The following PMS2 variants were observed in gnomAD, a reference collection of about 807,000 sequenced individuals.
PMS2 encodes PMS1 homolog 2, mismatch repair system component.
Under a neutral mutation model 90.0 loss-of-function variants are expected in PMS2, and 69 were observed. The observed-to-expected ratio is 0.77, with a 90% CI of 0.63 to 0.94. PMS2 has a LOEUF of 0.94. PMS2 is among the 40% of genes least tolerant of loss of function. The probability of loss-of-function intolerance (pLI) is 0.00; values close to 1 mark genes in which losing one functional copy is unlikely to be tolerated. For synonymous variants in PMS2, 332 were observed against 375.1 expected (o/e 0.89, Z 1.33); for missense variants, 966 against 1,040.2 (o/e 0.93, Z 0.98).
chr7:6,002,595 C>G lies in PMS2; in HGVS notation c.395G>C (p.Gly132Ala), dbSNP rs1583403941. 1 of 1,611,942 alleles carries G rather than the reference C, an allele frequency of 6.2e-7. No homozygotes were observed. Residue 132 changes from glycine (G) to alanine (A), a missense_variant, in exon 5 of 15, where the codon GGA becomes GCA. Gly to Ala is a moderately conservative substitution (Grantham distance 60, BLOSUM62 0). Coordinates refer to ENST00000265849, the MANE Select transcript of PMS2 (RefSeq NM_000535.7). ...ISTCHASAKV[G>A]TRLMFDHNGK... ...ATTGTGATCAAACATCAGTCGAGTT[C>G]CAACCTTCGCCGATGCGTGGCAGGT...
At chr7:5,989,702 A>T in intron 10 of PMS2, 98 bp downstream of exon 10, 3 of 869,602 alleles carry the variant, frequency 3.4e-6, no homozygotes, top group Non-Finnish European at 5.6e-6. Flanking sequence ...AATATAAGAG[A>T]CTTTGTTTTC....
At chr7:5,979,158 C>T (rs1381679102) in intron 12 of PMS2, among the ~76,000 whole-genome samples, 6 of 139,330 alleles carry the variant, frequency 4.3e-5, no homozygotes, top group African/African-American at 8.2e-5. Flanking sequence ...GCCAAGATCA[C>T]GCCACTGTAC....
rs869312801 is a variant in PMS2 at position 5,987,062 on chromosome 7, G to A, written c.1703C>T (p.Pro568Leu). ...TGTGTTTGGGGTTGCGAGATTAGTT[G>A]GCTGAGGCAAAACTCGAAATTTACA... Reference protein sequence around the residue: ...TGCKFRVLPQPTNLATPNTKR... With the variant: ...TGCKFRVLPQLTNLATPNTKR... The change falls in exon 11 of 15, where the codon CCA (proline) becomes CTA (leucine). Residue 568 changes from proline to leucine, a missense_variant. Physicochemically the swap from Pro to Leu is moderately conservative, Grantham distance 98. This residue lies in a region of PMS2 where 871 missense variants were observed against 802.4 expected (regional missense o/e 1.09). Coordinates refer to ENST00000265849, the MANE Select transcript of PMS2 (RefSeq NM_000535.7). The A allele has an allele frequency of 1.2e-6, 2 of 1,614,136 alleles. No homozygotes were observed. Among genetic ancestry groups the A allele is most frequent in the South Asian group, 1.1e-5 (1 of 91,078 alleles).
intron 12 of PMS2, among the ~76,000 whole-genome samples, chr7:5,981,901 T>G (rs1782316162): frequency 6.6e-6 from 1 of 151,786 alleles, no homozygotes; most frequent in Non-Finnish European, 1.5e-5. Flanking sequence ...GCCTGGCAGA[T>G]TCTAGGCACT....
chr7:6,001,519 T>A (rs1177661627), intron 5 of PMS2, among the ~76,000 whole-genome samples: 1 of 151,862 alleles, frequency 6.6e-6, no homozygotes, highest in Non-Finnish European at 1.5e-5. Flanking sequence ...TACAGGCACA[T>A]GCCACCATGC....
chr7:5,996,474 G>A (rs996596222), intron 7 of PMS2, among the ~76,000 whole-genome samples: 1 of 151,434 alleles, frequency 6.6e-6, no homozygotes, highest in Non-Finnish European at 1.5e-5. Context: ...AGTATCGCTT[G>A]AACCTGGGAG....
Position 5,982,298 on chromosome 7 carries a change from C to T in PMS2, c.2174+526G>A, listed in dbSNP as rs1357859646. ...TCGGCTCGCTGCAAACTCCGCCTCC[C>T]GGGTTCAAGCGATTCTCCTGCCTCA... On this transcript the variant is annotated intron_variant, in intron 12 of 14. Transcript: ENST00000265849. Among the ~76,000 whole-genome samples the T allele has an allele frequency of 9.9e-5, 15 of 152,130 alleles. 1 individual carries two copies. The highest frequency in any genetic ancestry group is 1.6e-4 in the Non-Finnish European group (11 of 68,010).
intron 6 of PMS2, 34 bp downstream of exon 6, chr7:5,999,074 A>T (rs2128798529): frequency 6.3e-7 from 1 of 1,593,628 alleles, no homozygotes; most frequent in Non-Finnish European, 8.6e-7. Context: ...TCACTAGAGC[A>T]ATAAGAGGCG....
At chr7:5,993,585 G>A (rs1020829170) in intron 8 of PMS2, among the ~76,000 whole-genome samples, 49 of 151,344 alleles carry the variant, frequency 3.2e-4, no homozygotes, top group African/African-American at 1.1e-3. Flanking sequence ...ACCATGGGCC[G>A]GGCGCGGTGG....
intron 8 of PMS2, among the ~76,000 whole-genome samples, chr7:5,992,671 A>C (rs2128759807): frequency 6.6e-6 from 1 of 152,300 alleles, no homozygotes; most frequent in South Asian, 2.1e-4. Context: ...ACATGGAATA[A>C]ACTACACATA....
At position 6,003,797 on chromosome 7, in the gene PMS2, A is replaced by C. The variant is rs2128827794; in HGVS notation, c.251-5T>G. ...TAGATGTGTGATGTTTCAGAGCTGA[A>C]AGAGAGTGTAAAGTAAGGACTAAGA... On this transcript the variant is annotated splice_region_variant and splice_polypyrimidine_tract_variant and intron_variant, in intron 3 of 14. Transcript: ENST00000265849. The C allele has an allele frequency of 6.3e-7, 1 of 1,578,744 alleles. No individual in the cohort carries two copies.
At chr7:5,984,301 C>T (rs1782626504) in intron 11 of PMS2, among the ~76,000 whole-genome samples, 1 of 151,836 alleles carries the variant, frequency 6.6e-6, no homozygotes, top group Non-Finnish European at 1.5e-5. Context: ...CATCTAATGT[C>T]ATTAAATACT....
At position 5,982,855 on chromosome 7, in the gene PMS2, G is replaced by A. The variant is rs747494931; in HGVS notation, c.2143C>T (p.His715Tyr). 8 of 1,608,516 alleles carry A rather than the reference G, an allele frequency of 5.0e-6. No homozygotes were observed. The highest frequency in any genetic ancestry group is 5.9e-6 in the Non-Finnish European group (7 of 1,177,862). The change falls in exon 12 of 15, where the codon CAC becomes TAC. Residue 715 changes from histidine to tyrosine, a missense_variant. His to Tyr is a moderately conservative substitution (Grantham distance 83). Around this residue, in one of 2 missense-constraint regions of PMS2, gnomAD observed 95 missense variants for 237.8 expected, o/e 0.40. Transcript: ENST00000265849. ...AGCCTCTGCCCCTGGAGCACGGTGT[G>A]CTGCTGCAGCATCTCGAAGTTATAC... ...EKYNFEMLQQ[H>Y]TVLQGQRLIA...
At chr7:5,991,012 C>G (rs1310356842) in intron 9 of PMS2, among the ~76,000 whole-genome samples, 1 of 151,706 alleles carries the variant, frequency 6.6e-6, no homozygotes, top group African/African-American at 2.4e-5. Context: ...AAGACTCTGT[C>G]TCAAAAAATA....
At chr7:5,999,565 A>T (rs147891177) in intron 5 of PMS2, among the ~76,000 whole-genome samples, 3 of 152,186 alleles carry the variant, frequency 2.0e-5, no homozygotes, top group African/African-American at 7.2e-5. Context: ...TGAGGGCAGG[A>T]GGATCACTTG....
intron 7 of PMS2, among the ~76,000 whole-genome samples, chr7:5,995,871 T>C (rs1160280847): frequency 6.6e-6 from 1 of 152,180 alleles, no homozygotes; most frequent in African/African-American, 2.4e-5. Context: ...GGTGATGCAG[T>C]GCGTCCAAAA....
intron 5 of PMS2, among the ~76,000 whole-genome samples, chr7:6,000,946 G>A (rs1396145382): frequency 2.6e-5 from 4 of 152,074 alleles, no homozygotes; most frequent in East Asian, 3.8e-4. Context: ...AGCCGAGATC[G>A]CACCACTGCA....
At chr7:5,989,702 A>C in intron 10 of PMS2, 98 bp downstream of exon 10, 1 of 869,602 alleles carries the variant, frequency 1.1e-6, no homozygotes, top group Non-Finnish European at 1.9e-6. Flanking sequence ...AATATAAGAG[A>C]CTTTGTTTTC....
intron 14 of PMS2, among the ~76,000 whole-genome samples, chr7:5,977,335 T>A (rs1187187082): frequency 3.4e-5 from 5 of 147,388 alleles, no homozygotes; most frequent in African/African-American, 1.2e-4. Flanking sequence ...GATTAGAGGC[T>A]TGAGCCACCA....
Sources: gnomAD v4.1 joint callset for allele counts (sites outside exome capture counted in the v4.1 genomes callset) on GRCh38, gnomAD v4.1.1 for gene constraint, gnomAD v4.1.1 regional missense constraint, MANE v1.5 for transcripts, NCBI Gene and HGNC (gene_info 2026-07-23, HGNC 2026-07-21) for gene names.